SLC12A8: variants seen among roughly 807,000 people sequenced by gnomAD.
SLC12A8 encodes solute carrier family 12 member 8.
In SLC12A8, 69 loss-of-function variants were observed where a neutral mutation model predicts 75.6. That is an observed-to-expected ratio of 0.91 (90% confidence interval 0.75 to 1.11). SLC12A8 has a LOEUF of 1.11. Among genes scored for constraint, SLC12A8 ranks in the 50% most tolerant of loss-of-function variants. The probability of loss-of-function intolerance (pLI) is 0.00; values close to 1 mark genes in which losing one functional copy is unlikely to be tolerated. For missense variants in SLC12A8, 877 were observed against 896.7 expected, an observed-to-expected ratio of 0.98 and a Z score of 0.28; for synonymous variants, 365 against 372.8, an observed-to-expected ratio of 0.98 and a Z score of 0.24.
At chr3:125,136,493 T>C (rs1035289160) in intron 5 of SLC12A8, among the ~76,000 whole-genome samples, 6 of 152,184 alleles carry the variant, frequency 3.9e-5, no homozygotes, top group Non-Finnish European at 4.4e-5. Context: ...CTGGCCACAG[T>C]AGGACTTTCC....
chr3:125,101,274 G>A (rs892900570), intron 10 of SLC12A8, among the ~76,000 whole-genome samples: 6 of 152,160 alleles, frequency 3.9e-5, no homozygotes, highest in South Asian at 2.1e-4. Flanking sequence ...GGGCTTCAGC[G>A]AAATAGCTCA....
At chr3:125,138,845 A>ACAC in intron 5 of SLC12A8, among the ~76,000 whole-genome samples, 2 of 137,746 alleles carry the variant, frequency 1.5e-5, no homozygotes, top group Non-Finnish European at 3.1e-5. Context: ...CCTTCTACAA[A>ACAC]ACACACACAC....
chr3:125,211,922 A>C (rs1197800859), intron 1 of SLC12A8, among the ~76,000 whole-genome samples: 2 of 152,002 alleles, frequency 1.3e-5, no homozygotes, highest in African/African-American at 4.8e-5. Flanking sequence ...GAGTGAGAAA[A>C]GGCTGGACAG....
chr3:125,186,737 C>T (rs755133603), intron 4 of SLC12A8, among the ~76,000 whole-genome samples: 1 of 152,244 alleles, frequency 6.6e-6, no homozygotes, highest in Non-Finnish European at 1.5e-5. Flanking sequence ...TCAGACAGGG[C>T]GTCCACACAA....
At chr3:125,139,646 C>T (rs1933579312) in intron 5 of SLC12A8, among the ~76,000 whole-genome samples, 1 of 152,188 alleles carries the variant, frequency 6.6e-6, no homozygotes, top group South Asian at 2.1e-4. Flanking sequence ...CTCTGTTGGG[C>T]TTATGCAGAG....
intron 10 of SLC12A8, among the ~76,000 whole-genome samples, chr3:125,104,903 T>C (rs1938986807): frequency 6.6e-6 from 1 of 151,988 alleles, no homozygotes; most frequent in Non-Finnish European, 1.5e-5. Flanking sequence ...CACAGAACAA[T>C]ATACTAAGTG....
intron 5 of SLC12A8, chr3:125,155,108 T>G (rs1934018800): frequency 6.6e-6 from 1 of 152,164 alleles, no homozygotes; most frequent in Non-Finnish European, 1.5e-5. Flanking sequence ...GTATGAACTG[T>G]TTGTTTCTGG....
At chr3:125,156,991 G>A (rs1317912675) in intron 5 of SLC12A8, among the ~76,000 whole-genome samples, 1 of 152,130 alleles carries the variant, frequency 6.6e-6, no homozygotes, top group Non-Finnish European at 1.5e-5. Flanking sequence ...TTTCTAACTA[G>A]AGAGACTAAG....
chr3:125,137,530 A>T (rs538399703), intron 5 of SLC12A8, among the ~76,000 whole-genome samples: 1 of 152,252 alleles, frequency 6.6e-6, no homozygotes, highest in Non-Finnish European at 1.5e-5. Context: ...AACCGAGCTC[A>T]GCCAAGCTGG....
chr3:125,083,449 C>A lies in SLC12A8; in HGVS notation c.*441G>T, dbSNP rs1327069789. On this transcript the variant is annotated 3_prime_UTR_variant, in exon 14 of 14. Coordinates refer to ENST00000469902, the MANE Select transcript of SLC12A8 (RefSeq NM_024628.6). ...AAGAAAACATAGATTTCTGGCCAGG[C>A]ATGGTGGCTCACGCCTGTAATCCCA... 6.4e-6 allele frequency: 1 copy of A among 155,466 alleles called. No homozygotes were observed. Among genetic ancestry groups the A allele is most frequent in the Non-Finnish European group, 1.4e-5 (1 of 70,026 alleles). The allele number at this position is 155,466 out of a possible 1,614,324, so 9.6% of individuals were successfully genotyped here. A position where few individuals can be genotyped will look rare whatever the true frequency, so the allele number is the denominator to read the frequency against.
intron 5 of SLC12A8, among the ~76,000 whole-genome samples, chr3:125,138,979 T>C (rs989543574): frequency 4.6e-5 from 7 of 152,198 alleles, no homozygotes; most frequent in Non-Finnish European, 1.0e-4. Flanking sequence ...GCTGTGACTA[T>C]GCTACTGCAC....
intron 5 of SLC12A8, among the ~76,000 whole-genome samples, chr3:125,176,545 C>A (rs927123648): frequency 4.6e-5 from 7 of 152,088 alleles, no homozygotes; most frequent in Admixed American, 6.6e-5. Context: ...GCAACCTACA[C>A]AATGGGAGAA....
chr3:125,106,359 G>T (rs181043749), intron 10 of SLC12A8, among the ~76,000 whole-genome samples: 70 of 119,214 alleles, frequency 5.9e-4, no homozygotes, highest in Non-Finnish European at 8.4e-4. Flanking sequence ...GGGGTTTTTT[G>T]TTGTTGTTGT....
chr3:125,178,087 CA>C, intron 4 of SLC12A8, 113 bp from the exon 5 acceptor site: 1 of 859,036 alleles, frequency 1.2e-6, no homozygotes, highest in Non-Finnish European at 1.9e-6. Context: ...TCACTGGCAC[CA>C]AGGCACAGTG....
At position 125,083,648 on chromosome 3, in the gene SLC12A8, G is replaced by C. The variant is rs1938384193; in HGVS notation, c.*242C>G. On this transcript the variant is annotated 3_prime_UTR_variant, in exon 14 of 14. Transcript: ENST00000469902. ...GAGGCAGGAGAATTGCTTGAACTCG[G>C]GAAGCAGAGGTTGCAGTGAGCCAAG... 2 of 388,548 alleles carry C rather than the reference G, an allele frequency of 5.1e-6. No individual in the cohort carries two copies. The highest frequency in any genetic ancestry group is 6.9e-5 in the South Asian group (2 of 29,088). 24.1% of individuals were successfully genotyped at this position (388,548 alleles called of 1,614,324 possible).
chr3:125,211,340 T>A lies in SLC12A8; in HGVS notation c.10A>T (p.Met4Leu). The change falls in exon 2 of 14, where the codon ATG becomes TTG. Residue 4 changes from methionine (M) to leucine (L), a missense_variant. Met to Leu is a conservative substitution (Grantham distance 15, BLOSUM62 2). Coordinates refer to ENST00000469902, the MANE Select transcript of SLC12A8 (RefSeq NM_024628.6). ...TGGAAGAGCTCCTGCACCTGGGACA[T>A]CTGGGTCATTCTCCAGCAAGCAGGG... Reference protein sequence around the residue: MTQMSQVQELFHEA... With the variant: MTQLSQVQELFHEA... 6.2e-7 allele frequency: 1 copy of A among 1,613,732 alleles called. No individual in the cohort carries two copies. Among genetic ancestry groups the A allele is most frequent in the East Asian group, 2.2e-5 (1 of 44,874 alleles).
intron 2 of SLC12A8, among the ~76,000 whole-genome samples, chr3:125,198,838 C>T (rs554002421): frequency 2.0e-5 from 3 of 150,080 alleles, no homozygotes; most frequent in South Asian, 2.1e-4. Flanking sequence ...AGTGCAGTGG[C>T]GTGATCTCGG....
intron 2 of SLC12A8, among the ~76,000 whole-genome samples, chr3:125,193,982 T>G (rs531801260): frequency 6.6e-6 from 1 of 152,224 alleles, no homozygotes; most frequent in South Asian, 2.1e-4. Context: ...ATAACATGAA[T>G]CCCATTCAAC....
intron 6 of SLC12A8, among the ~76,000 whole-genome samples, chr3:125,128,564 C>A (rs1278672174): frequency 6.6e-6 from 1 of 150,956 alleles, no homozygotes; most frequent in Non-Finnish European, 1.5e-5. Flanking sequence ...ACCGCAACCT[C>A]TGCCTCCCAG....
Sources: gnomAD v4.1 joint callset for allele counts (sites outside exome capture counted in the v4.1 genomes callset) on GRCh38, gnomAD v4.1.1 for gene constraint, MANE v1.5 for transcripts, NCBI Gene and HGNC (gene_info 2026-07-23, HGNC 2026-07-21) for gene names.